The following TACC2 variants were observed in gnomAD, a reference collection of about 807,000 sequenced individuals.
TACC2 encodes transforming acidic coiled-coil containing protein 2, also known as transforming acidic coiled-coil-containing protein 2.
Under a neutral mutation model 227.3 loss-of-function variants are expected in TACC2, and 137 were observed. That is an observed-to-expected ratio of 0.60 (90% CI 0.52 to 0.69). The LOEUF (loss-of-function observed/expected upper bound fraction) is 0.69, where lower values mean the gene tolerates loss of function less well. Among genes scored for constraint, TACC2 ranks in the 30% least tolerant of loss-of-function variants. The pLI is 0.00. For synonymous variants in TACC2, 1,523 were observed against 1,487.5 expected (o/e 1.02, Z -0.55); for missense variants, 3,470 against 3,694.4 (o/e 0.94, Z 1.57).
chr10:122,203,835 G>A (rs1031395348), intron 8 of TACC2, among the ~76,000 whole-genome samples: 157 of 152,188 alleles, frequency 1.0e-3, no homozygotes, highest in Admixed American at 2.0e-3. Flanking sequence ...GTAGCGAGCC[G>A]AGATCACGCC....
At chr10:122,075,802 C>CT (rs564189781) in intron 3 of TACC2, among the ~76,000 whole-genome samples, 1 of 151,810 alleles carries the variant, frequency 6.6e-6, no homozygotes, top group Non-Finnish European at 1.5e-5. Context: ...TAATTGATTT[C>CT]TTTTTTTTAT....
At chr10:122,079,873 C>T (rs151169239) in intron 3 of TACC2, among the ~76,000 whole-genome samples, 56 of 152,344 alleles carry the variant, frequency 3.7e-4, no homozygotes, top group Non-Finnish European at 7.8e-4. Context: ...CCACACAAAG[C>T]ACTGAGGCCT....
chr10:122,002,968 C>T (rs193087962), intron 1 of TACC2, among the ~76,000 whole-genome samples: 3 of 152,106 alleles, frequency 2.0e-5, no homozygotes, highest in East Asian at 3.9e-4. Context: ...TTTAGGAGGC[C>T]GAAGCAGGCG....
At chr10:122,168,332 AT>A (rs2093302437) in intron 7 of TACC2, among the ~76,000 whole-genome samples, 1 of 152,180 alleles carries the variant, frequency 6.6e-6, no homozygotes, top group East Asian at 1.9e-4. Flanking sequence ...TACTTTGGAT[AT>A]TACTGTTGGA....
At chr10:122,192,091 C>G (rs774906168) in intron 7 of TACC2, among the ~76,000 whole-genome samples, 15 of 152,274 alleles carry the variant, frequency 9.9e-5, no homozygotes, top group Admixed American at 3.3e-4. Context: ...AACTTGCTGT[C>G]TGCTCCCAAG....
chr10:122,000,590 C>T (rs528110916), intron 1 of TACC2, among the ~76,000 whole-genome samples: 21 of 152,122 alleles, frequency 1.4e-4, no homozygotes, highest in Non-Finnish European at 2.9e-4. Context: ...TCCTCCCTTC[C>T]ACCCTGTCTC....
In TACC2 at chr10:122,084,045, C is replaced by A; in HGVS notation, c.1545C>A (p.Pro515=). The change falls in exon 4 of 23, where the codon CCC becomes CCA. Residue 515 remains proline, a synonymous_variant. Coordinates refer to ENST00000369005, the MANE Select transcript of TACC2 (RefSeq NM_206862.4). ...ATGAGGTCCAACCAGGAGTACCACCCCCTCCTCTTCCCAAGGAGCAAAGCC... is the reference window on the plus strand; with the variant it reads ...ATGAGGTCCAACCAGGAGTACCACCACCTCCTCTTCCCAAGGAGCAAAGCC... ...QSHEVQPGVP[P]PPLPKEQSHE... 1 of 1,613,798 alleles carries A rather than the reference C, an allele frequency of 6.2e-7. No individual in the cohort carries two copies. Among genetic ancestry groups the A allele is most frequent in the Non-Finnish European group, 8.5e-7 (1 of 1,179,928 alleles).
chr10:122,009,712 G>C (rs963572837), intron 1 of TACC2, among the ~76,000 whole-genome samples: 1 of 152,120 alleles, frequency 6.6e-6, no homozygotes, highest in African/African-American at 2.4e-5. Flanking sequence ...TGGATCACAA[G>C]GTCAGGAGAG....
At chr10:122,191,732 T>C (rs1241749768) in intron 7 of TACC2, among the ~76,000 whole-genome samples, 1 of 152,262 alleles carries the variant, frequency 6.6e-6, no homozygotes, top group Non-Finnish European at 1.5e-5. Flanking sequence ...TATATTTGCC[T>C]ATAATTTAGA....
intron 11 of TACC2, among the ~76,000 whole-genome samples, chr10:122,218,415 A>G (rs1384514588): frequency 6.6e-6 from 1 of 152,020 alleles, no homozygotes; most frequent in East Asian, 1.9e-4. Context: ...TTTTAATCGT[A>G]ACTCAAAAAC....
rs377713529 is a variant in TACC2, at chr10:122,087,231, C to G, written c.4731C>G (p.Phe1577Leu). 2 of 1,613,342 alleles carry G rather than the reference C, an allele frequency of 1.2e-6. No individual in the cohort carries two copies. Among genetic ancestry groups the G allele is most frequent in the Non-Finnish European group, 1.7e-6 (2 of 1,179,822 alleles). Residue 1577 changes from phenylalanine (F) to leucine (L), a missense_variant, in exon 4 of 23, where the codon TTC becomes TTG. This residue lies in a region of TACC2 where 1,924 missense variants were observed against 1,978.3 expected (regional missense o/e 0.97). Transcript: ENST00000369005. Reference protein sequence around the residue: ...QELPVERAAAFQVAPHSHGEE... With the variant: ...QELPVERAAALQVAPHSHGEE... ...TCCCTGTGGAGAGAGCTGCTGCCTT[C>G]CAGGTGGCTCCCCATAGCCATGGAG...
chr10:122,239,406 C>T (rs1057056646), intron 18 of TACC2, among the ~76,000 whole-genome samples: 8 of 152,244 alleles, frequency 5.3e-5, no homozygotes, highest in South Asian at 2.1e-4. Context: ...TCTAGGTCAT[C>T]GTAGGATCTT....
intron 5 of TACC2, among the ~76,000 whole-genome samples, chr10:122,129,216 C>T (rs1018160788): frequency 1.1e-4 from 17 of 151,960 alleles, no homozygotes; most frequent in African/African-American, 3.9e-4. Context: ...ACTACCACAC[C>T]TGGCTAATTT....
intron 1 of TACC2, among the ~76,000 whole-genome samples, chr10:122,001,103 G>A (rs767374817): frequency 1.1e-4 from 16 of 152,206 alleles, no homozygotes; most frequent in Non-Finnish European, 1.9e-4. Context: ...GATTACAGGC[G>A]TGAGCCACTG....
chr10:122,117,723 C>T (rs768729363), intron 5 of TACC2, among the ~76,000 whole-genome samples: 1 of 152,150 alleles, frequency 6.6e-6, no homozygotes, highest in African/African-American at 2.4e-5. Flanking sequence ...CTAGTGTCTG[C>T]ATCATTTAGA....
chr10:121,995,758 C>CTT (rs79988202), intron 1 of TACC2, among the ~76,000 whole-genome samples: 5 of 151,340 alleles, frequency 3.3e-5, no homozygotes, highest in Non-Finnish European at 5.9e-5. Flanking sequence ...AGGATCTTTT[C>CTT]TTTTTTTTTG....
intron 7 of TACC2, among the ~76,000 whole-genome samples, chr10:122,176,920 T>C (rs942719068): frequency 2.0e-5 from 3 of 151,790 alleles, no homozygotes; most frequent in African/African-American, 7.3e-5. Flanking sequence ...ACCTGGGGCT[T>C]CTGGTGGGTG....
intron 1 of TACC2, among the ~76,000 whole-genome samples, chr10:122,013,185 A>G (rs897581982): frequency 1.3e-5 from 2 of 152,124 alleles, no homozygotes; most frequent in Admixed American, 6.6e-5. Flanking sequence ...CTGATATTCT[A>G]CAAGATTGGA....
At chr10:122,063,610 A>G (rs933487607) in intron 3 of TACC2, among the ~76,000 whole-genome samples, 2 of 152,158 alleles carry the variant, frequency 1.3e-5, no homozygotes, top group Non-Finnish European at 2.9e-5. Context: ...AACTTGGAAC[A>G]TAGCGAAGAG....
Sources: gnomAD v4.1 joint callset for allele counts (sites outside exome capture counted in the v4.1 genomes callset) on GRCh38, gnomAD v4.1.1 for gene constraint, gnomAD v4.1.1 regional missense constraint, MANE v1.5 for transcripts, NCBI Gene and HGNC (gene_info 2026-07-23, HGNC 2026-07-21) for gene names.